SMIM18: variants seen among roughly 807,000 people sequenced by gnomAD.
SMIM18 encodes the protein small integral membrane protein 18.
In SMIM18, 4 loss-of-function variants were observed where a neutral mutation model predicts 5.9. That is an observed-to-expected ratio of 0.68 (90% CI 0.33 to 1.56). The LOEUF (loss-of-function observed/expected upper bound fraction) is 1.56. Among genes scored for constraint, SMIM18 ranks in the 40% most tolerant of loss-of-function variants. The pLI is 0.06. For synonymous variants in SMIM18, 37 were observed against 37.4 expected (o/e 0.99, Z 0.04); for missense variants, 89 against 109.7 (o/e 0.81, Z 0.84).
chr8:30,645,166 T>G (rs1335395240), intron 2 of SMIM18, 115 bp from the exon 3 acceptor site: 1 of 907,126 alleles, frequency 1.1e-6, no homozygotes, highest in African/African-American at 1.7e-5. Context: ...ATTTAGGCAT[T>G]AATTAAGGAA....
Position 30,645,757 on chromosome 8 carries a change from T to C in SMIM18, c.*160T>C, listed in dbSNP as rs1802052138. On this transcript the variant is annotated 3_prime_UTR_variant, in exon 3 of 3. Coordinates refer to ENST00000517349, the MANE Select transcript of SMIM18 (RefSeq NM_001206847.2). ...AAAAAAGTTAAACATGCACTGTTTG[T>C]GTGTATAGCCATTTCATTAAATATA... The C allele has an allele frequency of 4.6e-6, 3 of 655,964 alleles. No individual in the cohort carries two copies. The highest frequency in any genetic ancestry group is 5.5e-5 in the East Asian group (2 of 36,578). 40.6% of individuals were successfully genotyped at this position (655,964 alleles called of 1,614,324 possible).
intron 1 of SMIM18, among the ~76,000 whole-genome samples, chr8:30,642,236 G>T (rs1801863306): frequency 6.7e-6 from 1 of 148,300 alleles, no homozygotes; most frequent in Non-Finnish European, 1.5e-5. Context: ...GATTTAACTA[G>T]ATGTGTTACA....
chr8:30,645,317 C>T lies in SMIM18; in HGVS notation c.8C>T (p.Ser3Phe). The T allele has an allele frequency of 6.5e-7, 1 of 1,534,988 alleles. No homozygotes were observed. The highest frequency in any genetic ancestry group is 8.7e-7 in the Non-Finnish European group (1 of 1,146,692). ...CAAGTGGAATCTCTAAGAATGGCTT[C>T]CAGCCACTGGAATGAAACCACTACC... is the stretch of plus-strand genomic sequence containing the variant. MA[S>F]SHWNETTTSV... is the part of the protein sequence containing the mutation. The change falls in exon 3 of 3, where the codon TCC (serine) becomes TTC (phenylalanine). Residue 3 changes from serine (S) to phenylalanine (F), a missense_variant. Ser to Phe is a radical substitution (Grantham distance 155). Coordinates refer to ENST00000517349, the MANE Select transcript of SMIM18 (RefSeq NM_001206847.2).
At chr8:30,643,203 T>C (rs769255897) in intron 1 of SMIM18, among the ~76,000 whole-genome samples, 12 of 152,328 alleles carry the variant, frequency 7.9e-5, no homozygotes, top group Non-Finnish European at 1.6e-4. Flanking sequence ...GAAAACAATA[T>C]TGTGGTTATG....
At chr8:30,642,135 G>C (rs1358756261) in intron 1 of SMIM18, among the ~76,000 whole-genome samples, 1 of 152,132 alleles carries the variant, frequency 6.6e-6, no homozygotes, top group Non-Finnish European at 1.5e-5. Context: ...AGTTTATTAA[G>C]AAAGCAAAGG....
intron 1 of SMIM18, among the ~76,000 whole-genome samples, chr8:30,643,201 T>A (rs918340786): frequency 6.6e-6 from 1 of 152,200 alleles, no homozygotes; most frequent in African/African-American, 2.4e-5. Context: ...GTGAAAACAA[T>A]ATTGTGGTTA....
At position 30,645,383 on chromosome 8, in the gene SMIM18, A is replaced by C. The variant is rs1563508632; in HGVS notation, c.74A>C (p.Tyr25Ser). 6.5e-7 allele frequency: 1 copy of C among 1,535,654 alleles called. No individual in the cohort carries two copies. The highest frequency in any genetic ancestry group is 8.7e-7 in the Non-Finnish European group (1 of 1,146,898). ...QYLGFQVQKIYPFHDNWNTAC... is the reference protein window; with the variant it reads ...QYLGFQVQKISPFHDNWNTAC... ...CTTGGTTTTCAAGTTCAAAAAATTT[A>C]CCCTTTCCATGACAACTGGAACACT... The change falls in exon 3 of 3, where the codon TAC becomes TCC. Residue 25 changes from tyrosine (Y) to serine (S), a missense_variant. Coordinates refer to ENST00000517349, the MANE Select transcript of SMIM18 (RefSeq NM_001206847.2).
In SMIM18 at chr8:30,645,289, G is replaced by C. The variant is rs1199597409; in HGVS notation, c.-21G>C. On this transcript the variant is annotated 5_prime_UTR_variant, in exon 3 of 3. Transcript: ENST00000517349. Reference sequence around the variant, plus strand: ...TTCTACCTTTTTTATAGATTCAAAAGAGCAAGTGGAATCTCTAAGAATGGC... The same window carrying C: ...TTCTACCTTTTTTATAGATTCAAAACAGCAAGTGGAATCTCTAAGAATGGC... The C allele has an allele frequency of 1.7e-5, 26 of 1,524,962 alleles. No homozygotes were observed. In the East Asian group the frequency reaches 5.1e-4, roughly 30 times the overall value. 94.5% of individuals were successfully genotyped at this position (1,524,962 alleles called of 1,614,324 possible). A position where few individuals can be genotyped will look rare whatever the true frequency, so the allele number is the denominator to read the frequency against.
intron 1 of SMIM18, among the ~76,000 whole-genome samples, chr8:30,639,260 G>A (rs963617580): frequency 6.6e-6 from 1 of 152,060 alleles, no homozygotes; most frequent in Non-Finnish European, 1.5e-5. Context: ...ATACTACACT[G>A]AACAGATAAT....
intron 1 of SMIM18, among the ~76,000 whole-genome samples, chr8:30,641,731 G>C (rs974745703): frequency 6.6e-6 from 1 of 152,196 alleles, no homozygotes; most frequent in Admixed American, 6.5e-5. Context: ...ACAAAAATTA[G>C]CTGGGTGTGA....
chr8:30,643,734 TAA>T (rs894504632), intron 1 of SMIM18: 14 of 151,088 alleles, frequency 9.3e-5, no homozygotes, highest in African/African-American at 3.4e-4. Flanking sequence ...CACCTTTTAC[TAA>T]AGATTTCTTC....
At chr8:30,638,743 A>G (rs900465341) in intron 1 of SMIM18, 104 bp downstream of exon 1, 1 of 152,514 alleles carries the variant, frequency 6.6e-6, no homozygotes, top group Non-Finnish European at 1.5e-5. Context: ...CTCCTACTAA[A>G]TATCAAGAAA....
chr8:30,640,333 G>T (rs1801769674), intron 1 of SMIM18, among the ~76,000 whole-genome samples: 1 of 152,288 alleles, frequency 6.6e-6, no homozygotes, highest in Non-Finnish European at 1.5e-5. Context: ...AAAGGTTCCA[G>T]AACAGTTCCA....
chr8:30,645,036 C>A (rs1383018671), intron 2 of SMIM18, among the ~76,000 whole-genome samples: 1 of 152,182 alleles, frequency 6.6e-6, no homozygotes, highest in Non-Finnish European at 1.5e-5. Flanking sequence ...AGGCGTGAGC[C>A]ACCATGCCTG....
At position 30,645,677 on chromosome 8, in the gene SMIM18, T is replaced by C. The variant is rs4733196; in HGVS notation, c.*80T>C. ...AAAAAATATATTCTGAGGCCAACTG[T>C]TGCTACAAAACAAATTCTGACTGAA... is the stretch of plus-strand genomic sequence containing the variant. On this transcript the variant is annotated 3_prime_UTR_variant, in exon 3 of 3. Transcript: ENST00000517349. 0.22 allele frequency: 292,724 copies of C among 1,359,158 alleles called. 34,092 individuals carry two copies. Among genetic ancestry groups the C allele is most frequent in the East Asian group, 0.42 (16,525 of 39,764 alleles). The allele number at this position is 1,359,158 out of a possible 1,614,324, so 84.2% of individuals were successfully genotyped here. A position where few individuals can be genotyped will look rare whatever the true frequency, so the allele number is the denominator to read the frequency against.
At position 30,645,355 on chromosome 8, in the gene SMIM18, T is replaced by C. The variant is rs1802029097; in HGVS notation, c.46T>C (p.Tyr16His). ...WNETTTSVYQ[Y>H]LGFQVQKIYP... The stretch of plus-strand genomic sequence containing the variant: ...TGAAACCACTACCTCTGTTTATCAG[T>C]ACCTTGGTTTTCAAGTTCAAAAAAT... Residue 16 changes from tyrosine (Y) to histidine (H), a missense_variant, in exon 3 of 3, where the codon TAC becomes CAC. Transcript: ENST00000517349. The C allele has an allele frequency of 6.5e-7, 1 of 1,535,716 alleles. No individual in the cohort carries two copies. Among genetic ancestry groups the C allele is most frequent in the Non-Finnish European group, 8.7e-7 (1 of 1,146,902 alleles).
intron 1 of SMIM18, among the ~76,000 whole-genome samples, chr8:30,640,734 T>C (rs1449013866): frequency 6.6e-6 from 1 of 152,222 alleles, no homozygotes; most frequent in African/African-American, 2.4e-5. Flanking sequence ...GGACGGAGTC[T>C]CACTCTATCG....
At chr8:30,641,288 T>C (rs940079161) in intron 1 of SMIM18, among the ~76,000 whole-genome samples, 1 of 152,214 alleles carries the variant, frequency 6.6e-6, no homozygotes, top group Non-Finnish European at 1.5e-5. Flanking sequence ...GCTTAGACAC[T>C]TCCAGCAAAG....
intron 1 of SMIM18, among the ~76,000 whole-genome samples, chr8:30,641,304 A>C (rs1296998565): frequency 1.3e-5 from 2 of 152,216 alleles, no homozygotes; most frequent in Non-Finnish European, 2.9e-5. Flanking sequence ...CAAAGCATGT[A>C]AGTGCCTTTG....
Sources: allele counts gnomAD v4.1 joint callset (sites outside exome capture counted in the v4.1 genomes callset), GRCh38; gene constraint gnomAD v4.1.1; transcripts MANE v1.5; gene names NCBI Gene and HGNC (gene_info 2026-07-23, HGNC 2026-07-21).